Variants in TSEN54 observed in about 807,000 individuals in gnomAD.
TSEN54 encodes the protein tRNA-splicing endonuclease subunit Sen54.
In TSEN54, 55 loss-of-function variants were observed where a neutral mutation model predicts 61.9. That is an observed-to-expected ratio of 0.89 (90% CI 0.72 to 1.11). The LOEUF (loss-of-function observed/expected upper bound fraction) is 1.11. Among genes scored for constraint, TSEN54 ranks in the 50% most tolerant of loss-of-function variants. TSEN54 has a pLI of 0.00. For synonymous variants in TSEN54, 304 were observed against 288.7 expected (o/e 1.05, Z -0.54); for missense variants, 760 against 687.7 (o/e 1.11, Z -1.18).
intron 6 of TSEN54, among the ~76,000 whole-genome samples, chr17:75,519,575 C>G (rs913375401): frequency 6.6e-6 from 1 of 152,086 alleles, no homozygotes; most frequent in Admixed American, 6.5e-5. Flanking sequence ...CTTTTCTTTT[C>G]TTTTTGAGAC....
chr17:75,518,495 G>C, intron 5 of TSEN54: 1 of 984,108 alleles, frequency 1.0e-6, no homozygotes, highest in East Asian at 1.1e-4. Flanking sequence ...GCTAAAGCCT[G>C]CTGAGATCAA....
chr17:75,516,996 C>T lies in TSEN54; in HGVS notation c.222-13C>T, dbSNP rs1377483253. The stretch of plus-strand genomic sequence containing the variant: ...GAATGGACTGACGCAGACCCCTCCC[C>T]ACTCCTCGCCAGGGGCAGCTTGGTG... On this transcript the variant is annotated splice_polypyrimidine_tract_variant and intron_variant, in intron 2 of 10. Coordinates refer to ENST00000333213, the MANE Select transcript of TSEN54 (RefSeq NM_207346.3). The T allele has an allele frequency of 6.4e-7, 1 of 1,573,946 alleles. No individual in the cohort carries two copies. Among genetic ancestry groups the T allele is most frequent in the Non-Finnish European group, 8.6e-7 (1 of 1,160,350 alleles).
chr17:75,523,495 G>A, intron 9 of TSEN54, 160 bp downstream of exon 9: 2 of 1,597,008 alleles, frequency 1.3e-6, no homozygotes, highest in African/African-American at 1.3e-5. Flanking sequence ...GTGTGTCTAG[G>A]GAAGAGGGAG....
At position 75,517,144 on chromosome 17, in the gene TSEN54, C is replaced by T; in HGVS notation, c.286-17C>T. On this transcript the variant is annotated splice_polypyrimidine_tract_variant and intron_variant, in intron 3 of 10. Transcript: ENST00000333213. ...TGCCCTCCCTCCCTTGTGACACTTG[C>T]TCTGGGCCCCACACAGGGCAAATTC... 6.9e-7 allele frequency: 1 copy of T among 1,443,804 alleles called. No individual in the cohort carries two copies. The highest frequency in any genetic ancestry group is 9.5e-7 in the Non-Finnish European group (1 of 1,056,674). The allele number at this position is 1,443,804 out of a possible 1,614,324, so 89.4% of individuals were successfully genotyped here.
chr17:75,521,503 A>G lies in TSEN54; in HGVS notation c.616A>G (p.Ser206Gly). ...GDGKRKRSSSSPRSINKKAKA... is the reference protein window; with the variant it reads ...GDGKRKRSSSGPRSINKKAKA... The stretch of plus-strand genomic sequence containing the variant: ...TGGCAAGAGAAAGAGGAGCAGCTCC[A>G]GCCCTCGGTAACTCCCACATCACGG... The change falls in exon 7 of 11, where the codon AGC (serine) becomes GGC (glycine). Residue 206 changes from serine (S) to glycine (G), a missense_variant. Around this residue, in one of 3 missense-constraint regions of TSEN54, gnomAD observed 667 missense variants for 577.8 expected, o/e 1.15. Coordinates refer to ENST00000333213, the MANE Select transcript of TSEN54 (RefSeq NM_207346.3). The G allele has an allele frequency of 6.2e-7, 1 of 1,614,042 alleles. No homozygotes were observed. Among genetic ancestry groups the G allele is most frequent in the Non-Finnish European group, 8.5e-7 (1 of 1,179,966 alleles).
At chr17:75,523,006 C>A (rs2053444818) in intron 8 of TSEN54, 1 of 442,136 alleles carries the variant, frequency 2.3e-6, no homozygotes, top group Non-Finnish European at 4.2e-6. Context: ...CATGGTGAAA[C>A]CATCTCTACT....
Position 75,522,173 on chromosome 17 carries a change from A to G in TSEN54, c.1092A>G (p.Glu364=). Residue 364 remains glutamate (E), a synonymous_variant, in exon 8 of 11, where the codon GAA becomes GAG. Coordinates refer to ENST00000333213, the MANE Select transcript of TSEN54 (RefSeq NM_207346.3). ...EHHAEAAQFQ[E]DVNADPEVQR... is the part of the protein sequence containing the mutation. ...ACGCGGAGGCCGCGCAGTTCCAGGAAGATGTCAACGCCGATCCCGAGGTGC... is the reference window on the plus strand; with the variant it reads ...ACGCGGAGGCCGCGCAGTTCCAGGAGGATGTCAACGCCGATCCCGAGGTGC... 6.4e-7 allele frequency: 1 copy of G among 1,552,428 alleles called. No homozygotes were observed.
chr17:75,516,746 C>G lies in TSEN54; in HGVS notation c.57C>G (p.Ser19Arg), dbSNP rs779657660. The change falls in exon 2 of 11, where the codon AGC becomes AGG. Residue 19 changes from serine (S) to arginine (R), a missense_variant and splice_region_variant. Physicochemically the swap from Ser to Arg is moderately radical, Grantham distance 110. Coordinates refer to ENST00000333213, the MANE Select transcript of TSEN54 (RefSeq NM_207346.3). ...GACCCCGCGTCCCCTTCTCCCCCAG[C>G]GCCCGGGAGCTCTTCGCCGCCCGCT... ...AVEVPAGRVL[S>R]ARELFAARSR... 6.4e-7 allele frequency: 1 copy of G among 1,559,802 alleles called. No individual in the cohort carries two copies. Among genetic ancestry groups the G allele is most frequent in the Non-Finnish European group, 8.6e-7 (1 of 1,161,716 alleles).
chr17:75,521,911 G>A lies in TSEN54; in HGVS notation c.830G>A (p.Cys277Tyr). The A allele has an allele frequency of 6.2e-7, 1 of 1,610,052 alleles. No homozygotes were observed. The stretch of plus-strand genomic sequence containing the variant: ...GGCCCGGCCAGGGAGGGGGTGGGGT[G>A]CAGCTGGGAGAGTGGCAGAGCCGAG... ...SPGPAREGVG[C>Y]SWESGRAENG... The change falls in exon 8 of 11, where the codon TGC becomes TAC. Residue 277 changes from cysteine to tyrosine, a missense_variant. Physicochemically the swap from Cys to Tyr is radical, Grantham distance 194 (BLOSUM62 -2). Transcript: ENST00000333213.
intron 6 of TSEN54, among the ~76,000 whole-genome samples, chr17:75,520,525 G>T (rs1188686966): frequency 2.0e-5 from 3 of 148,494 alleles, no homozygotes; most frequent in African/African-American, 7.5e-5. Context: ...AGCTGAGGTT[G>T]CAGTGAGCCG....
In TSEN54 at chr17:75,521,365, T is replaced by A. The variant is rs779184119; in HGVS notation, c.522-44T>A. 1.7e-5 allele frequency: 25 copies of A among 1,513,936 alleles called. No individual in the cohort carries two copies. In the Admixed American group the frequency reaches 4.2e-4, roughly 25 times the overall value. The allele number at this position is 1,513,936 out of a possible 1,614,324, so 93.8% of individuals were successfully genotyped here. A position where few individuals can be genotyped will look rare whatever the true frequency, so the allele number is the denominator to read the frequency against. On this transcript the variant is annotated intron_variant, in intron 6 of 10. Transcript: ENST00000333213. ...TACACATCCCACCAGATCCCCAGGC[T>A]GAGGAGGTGGGTCAGTGGCCCACCC...
intron 6 of TSEN54, 65 bp downstream of exon 6, chr17:75,519,112 G>GT (rs1180560421): frequency 6.3e-7 from 1 of 1,580,582 alleles, no homozygotes; most frequent in Non-Finnish European, 8.7e-7. Flanking sequence ...CTAGTCTAAG[G>GT]TAGAAAATGG....
Position 75,524,694 on chromosome 17 carries a change from T to A in TSEN54, c.*282T>A, listed in dbSNP as rs191410134. On this transcript the variant is annotated 3_prime_UTR_variant, in exon 11 of 11. Transcript: ENST00000333213. ...TGCCTTTAACGAGAGGGTGCCTGCT[T>A]CGTGCTATAAAGCCAAAGCCATTAA... 962 of 537,406 alleles carry A rather than the reference T, an allele frequency of 1.8e-3. 4 individuals carry two copies. Among genetic ancestry groups the A allele is most frequent in the Admixed American group, 3.3e-3 (106 of 32,508 alleles). 33.3% of individuals were successfully genotyped at this position (537,406 alleles called of 1,614,324 possible).
intron 6 of TSEN54, among the ~76,000 whole-genome samples, chr17:75,519,395 G>C (rs2053405259): frequency 6.6e-6 from 1 of 152,222 alleles, no homozygotes; most frequent in Admixed American, 6.5e-5. Flanking sequence ...ACTGGGTGAA[G>C]AATTTACCAT....
chr17:75,523,776 G>A lies in TSEN54; in HGVS notation c.1427G>A (p.Ser476Asn), dbSNP rs1482723951. The change falls in exon 10 of 11, where the codon AGT becomes AAT. Residue 476 changes from serine to asparagine, a missense_variant. Ser to Asn is a conservative substitution (Grantham distance 46). Around this residue, in one of 3 missense-constraint regions of TSEN54, gnomAD observed 83 missense variants for 82.9 expected, o/e 1.00. Coordinates refer to ENST00000333213, the MANE Select transcript of TSEN54 (RefSeq NM_207346.3). The stretch of plus-strand genomic sequence containing the variant: ...AAACCCTATGCCCGGATGTGCATTA[G>A]TGGGTACGCAGTGAGCCAGCACTGC... ...PGKPYARMCI[S>N]GFDEPVPDLC... is the part of the protein sequence containing the mutation. 4 of 1,613,730 alleles carry A rather than the reference G, an allele frequency of 2.5e-6. No individual in the cohort carries two copies. Among genetic ancestry groups the A allele is most frequent in the South Asian group, 1.1e-5 (1 of 91,028 alleles).
In TSEN54 at chr17:75,524,460, G is replaced by GTCTGTTCTCAGGGACCA; in HGVS notation, c.*52_*68dup. 6.2e-7 allele frequency: 1 copy of GTCTGTTCTCAGGGACCA among 1,611,960 alleles called. No homozygotes were observed. Among genetic ancestry groups the GTCTGTTCTCAGGGACCA allele is most frequent in the Non-Finnish European group, 8.5e-7 (1 of 1,179,490 alleles). On this transcript the variant is annotated 3_prime_UTR_variant, in exon 11 of 11. Coordinates refer to ENST00000333213, the MANE Select transcript of TSEN54 (RefSeq NM_207346.3). ...GAGCTTGCTCCGGGGGACCGGGACT[G>GTCTGTTCTCAGGGACCA]TCTGTTCTCAGGGACCATCTCGGCT...
At chr17:75,522,385 A>G in intron 8 of TSEN54, 52 bp downstream of exon 8, 2 of 1,538,494 alleles carry the variant, frequency 1.3e-6, no homozygotes, top group Admixed American at 2.0e-5. Flanking sequence ...CTGAGGAATC[A>G]CAGGACTTTG....
chr17:75,518,863 A>G lies in TSEN54; in HGVS notation c.469-132A>G, dbSNP rs62088466. 0.2 allele frequency: 316,156 copies of G among 1,571,384 alleles called. 33,525 individuals carry two copies. The highest frequency in any genetic ancestry group is 0.32 in the African/African-American group (23,683 of 73,466). On this transcript the variant is annotated intron_variant, in intron 5 of 10. Transcript: ENST00000333213. ...CGTAATGAAGCATGGTCCAACCTTAATCACAGGGTTTAGAATCTGGGGGTG... is the reference window on the plus strand; with the variant it reads ...CGTAATGAAGCATGGTCCAACCTTAGTCACAGGGTTTAGAATCTGGGGGTG...
Position 75,521,748 on chromosome 17 carries a change from C to A in TSEN54, c.667C>A (p.Pro223Thr). ...CAAGGCCCTGGACAACTCCCTGCAA[C>A]CCAAGAGTCTGGCAGCCTCCAGCCC... ...KAKALDNSLQ[P>T]KSLAASSPPP... Residue 223 changes from proline (P) to threonine (T), a missense_variant, in exon 8 of 11, where the codon CCC becomes ACC. Around this residue, in one of 3 missense-constraint regions of TSEN54, gnomAD observed 667 missense variants for 577.8 expected, o/e 1.15. Coordinates refer to ENST00000333213, the MANE Select transcript of TSEN54 (RefSeq NM_207346.3). 6.2e-7 allele frequency: 1 copy of A among 1,613,098 alleles called. No individual in the cohort carries two copies. Among genetic ancestry groups the A allele is most frequent in the Non-Finnish European group, 8.5e-7 (1 of 1,180,000 alleles).
Sources: gnomAD v4.1 joint callset for allele counts (sites outside exome capture counted in the v4.1 genomes callset) on GRCh38, gnomAD v4.1.1 for gene constraint, gnomAD v4.1.1 regional missense constraint, MANE v1.5 for transcripts, NCBI Gene and HGNC (gene_info 2026-07-23, HGNC 2026-07-21) for gene names.